AFG2A: variants seen among roughly 807,000 people sequenced by gnomAD.
The protein encoded by AFG2A is ATPase family gene 2 protein homolog A.
the AFG2A span, among the ~76,000 whole-genome samples, chr4:123,141,168 T>C: frequency 6.6e-6 from 1 of 152,234 alleles, no homozygotes; most frequent in South Asian, 2.1e-4. Flanking sequence ...AGAAAGTTTC[T>C]AGCAAAACAA....
At chr4:122,934,286 C>A in the AFG2A span, 21 of 1,614,164 alleles carry the variant, frequency 1.3e-5, no homozygotes, top group Non-Finnish European at 1.8e-5. Context: ...CTGGAGTTAT[C>A]CTTACAGCTA....
chr4:123,176,315 G>A, the AFG2A span, among the ~76,000 whole-genome samples: 1 of 152,246 alleles, frequency 6.6e-6, no homozygotes, highest in East Asian at 1.9e-4. Flanking sequence ...ATGTTCAACA[G>A]AATACCAAGT....
chr4:123,154,179 A>G, the AFG2A span, among the ~76,000 whole-genome samples: 1 of 152,102 alleles, frequency 6.6e-6, no homozygotes, highest in East Asian at 1.9e-4. Flanking sequence ...AAAGAAATGG[A>G]GGAGAGGGTT....
chr4:123,079,503 G>A, the AFG2A span, among the ~76,000 whole-genome samples: 2 of 151,988 alleles, frequency 1.3e-5, no homozygotes, highest in South Asian at 2.1e-4. Context: ...ATGAAAGTAG[G>A]CCATTCCTTT....
chr4:123,249,889 AG>A, the AFG2A span, among the ~76,000 whole-genome samples: 2 of 152,266 alleles, frequency 1.3e-5, no homozygotes, highest in South Asian at 4.1e-4. Flanking sequence ...AATAAATCCA[AG>A]GTTTCTTTGA....
At chr4:123,094,846 C>T in the AFG2A span, among the ~76,000 whole-genome samples, 1 of 151,348 alleles carries the variant, frequency 6.6e-6, no homozygotes, top group Admixed American at 6.6e-5. Context: ...ACACACAAAA[C>T]TCCCCTCACA....
At chr4:123,266,443 T>A in the AFG2A span, among the ~76,000 whole-genome samples, 5 of 152,098 alleles carry the variant, frequency 3.3e-5, no homozygotes, top group East Asian at 9.6e-4. Context: ...TAATTTGATA[T>A]CTAGTTTAAA....
chr4:123,144,088 C>T, the AFG2A span, among the ~76,000 whole-genome samples: 1 of 151,694 alleles, frequency 6.6e-6, no homozygotes, highest in South Asian at 2.1e-4. Flanking sequence ...TGTGGTATAC[C>T]TGGGGAAAAG....
At chr4:123,037,310 T>G in the AFG2A span, among the ~76,000 whole-genome samples, 1 of 152,114 alleles carries the variant, frequency 6.6e-6, no homozygotes, top group African/African-American at 2.4e-5. Context: ...ATAGAACAGC[T>G]GGACAAATAT....
chr4:123,118,480 T>C, the AFG2A span, among the ~76,000 whole-genome samples: 1 of 151,252 alleles, frequency 6.6e-6, no homozygotes, highest in South Asian at 2.1e-4. Flanking sequence ...TTTCTCTCAG[T>C]AAATGGGCAT....
the AFG2A span, among the ~76,000 whole-genome samples, chr4:123,283,296 A>G: frequency 2.9e-3 from 436 of 152,218 alleles, 1 homozygote; most frequent in Middle Eastern, 0.01. Context: ...TTTGACTTCA[A>G]AGTCTTTCAC....
chr4:123,012,809 T>C, the AFG2A span, among the ~76,000 whole-genome samples: 3 of 152,112 alleles, frequency 2.0e-5, no homozygotes, highest in African/African-American at 7.2e-5. Context: ...TTACCGACTT[T>C]AAAATTGGTG....
chr4:123,124,530 G>A, the AFG2A span, among the ~76,000 whole-genome samples: 10 of 138,788 alleles, frequency 7.2e-5, no homozygotes, highest in South Asian at 6.7e-4. Context: ...GGAGATATAC[G>A]TAATGTAAAT....
chr4:123,143,976 T>C, the AFG2A span, among the ~76,000 whole-genome samples: 3 of 152,170 alleles, frequency 2.0e-5, no homozygotes, highest in East Asian at 5.8e-4. Flanking sequence ...ATCGTAATGC[T>C]ATATAATGTT....
At chr4:122,938,372 A>T in the AFG2A span, 3 of 1,109,924 alleles carry the variant, frequency 2.7e-6, no homozygotes. Context: ...AATATTAGCC[A>T]TAGCAACTAG....
the AFG2A span, among the ~76,000 whole-genome samples, chr4:123,189,734 C>G: frequency 1.3e-5 from 2 of 151,282 alleles, no homozygotes; most frequent in Non-Finnish European, 2.9e-5. Context: ...TTGCCTACAG[C>G]CACTTTTGCA....
chr4:123,312,701 A>T, the AFG2A span, among the ~76,000 whole-genome samples: 1 of 152,156 alleles, frequency 6.6e-6, no homozygotes, highest in Non-Finnish European at 1.5e-5. Flanking sequence ...TTTTTCAGAA[A>T]AACATTAACA....
At chr4:123,114,018 G>T in the AFG2A span, among the ~76,000 whole-genome samples, 1 of 151,776 alleles carries the variant, frequency 6.6e-6, no homozygotes, top group Non-Finnish European at 1.5e-5. Context: ...TCATCCTGTT[G>T]TCTGCAGCTC....
the AFG2A span, among the ~76,000 whole-genome samples, chr4:123,199,015 GAGA>G: frequency 6.6e-6 from 1 of 152,220 alleles, no homozygotes; most frequent in Non-Finnish European, 1.5e-5. Flanking sequence ...GTGAGTGGTA[GAGA>G]AGGAGTGGTC....
Sources: gnomAD v4.1 joint callset for allele counts (sites outside exome capture counted in the v4.1 genomes callset) on GRCh38, gnomAD v4.1.1 for gene constraint, MANE v1.5 for transcripts, NCBI Gene and HGNC (gene_info 2026-07-23, HGNC 2026-07-21) for gene names.